Variants in CD2AP observed in about 807,000 individuals in gnomAD.
CD2AP encodes CD2-associated protein.
A neutral mutation model predicts 85.1 loss-of-function variants in CD2AP; 46 were observed. The ratio of observed to expected loss-of-function variants is 0.54; its 90% CI spans 0.43 to 0.69. CD2AP has a LOEUF of 0.69. Ranked by LOEUF, CD2AP falls within the 30% of genes least tolerant of loss-of-function variation. The pLI, the probability that CD2AP is intolerant of heterozygous loss-of-function variation, is 0.00. For synonymous variants in CD2AP, 255 were observed against 252.9 expected (o/e 1.01, Z -0.08); for missense variants, 769 against 729.5 (o/e 1.05, Z -0.62).
intron 2 of CD2AP, among the ~76,000 whole-genome samples, chr6:47,515,336 T>C (rs1766424798): frequency 6.6e-6 from 1 of 152,130 alleles, no homozygotes; most frequent in Non-Finnish European, 1.5e-5. Context: ...TTCCAGAAGA[T>C]AGAGTTGGGG....
In CD2AP at chr6:47,478,242, A is replaced by C; in HGVS notation, c.-3A>C. 6.4e-7 allele frequency: 1 copy of C among 1,572,654 alleles called. No homozygotes were observed. The highest frequency in any genetic ancestry group is 1.2e-5 in the South Asian group (1 of 85,736). ...TCGGCTTCTCCCCGCGGGAGCCCCC[A>C]GCATGGGTAAGAGACTCGGGCGCTT... On this transcript the variant is annotated 5_prime_UTR_variant, in exon 1 of 18. Coordinates refer to ENST00000359314, the MANE Select transcript of CD2AP (RefSeq NM_012120.3).
At chr6:47,510,889 A>G (rs1402772082) in intron 2 of CD2AP, among the ~76,000 whole-genome samples, 2 of 151,956 alleles carry the variant, frequency 1.3e-5, no homozygotes, top group African/African-American at 2.4e-5. Flanking sequence ...CCTGGCCAAC[A>G]TGGTGAAACC....
chr6:47,578,575 A>G (rs781256344), intron 8 of CD2AP, among the ~76,000 whole-genome samples: 1 of 152,142 alleles, frequency 6.6e-6, no homozygotes, highest in Non-Finnish European at 1.5e-5. Context: ...ATAAAGTGTT[A>G]AAAGTGTTAA....
At chr6:47,534,928 G>A (rs1422188293) in intron 3 of CD2AP, among the ~76,000 whole-genome samples, 3 of 151,338 alleles carry the variant, frequency 2.0e-5, no homozygotes, top group Non-Finnish European at 4.4e-5. Context: ...CTGAGTAGCT[G>A]TGACTACAGG....
At chr6:47,487,103 T>A (rs1187988719) in intron 1 of CD2AP, among the ~76,000 whole-genome samples, 1 of 152,210 alleles carries the variant, frequency 6.6e-6, no homozygotes, top group East Asian at 1.9e-4. Flanking sequence ...TGTTTTGGTG[T>A]ATGTGTGGGC....
intron 12 of CD2AP, among the ~76,000 whole-genome samples, chr6:47,598,584 GA>G (rs954635340): frequency 1.3e-5 from 2 of 150,886 alleles, no homozygotes; most frequent in African/African-American, 2.4e-5. Flanking sequence ...AAAAAAGATG[GA>G]AAAAATGGCA....
chr6:47,483,075 A>G (rs571540834), intron 1 of CD2AP, among the ~76,000 whole-genome samples: 1 of 152,306 alleles, frequency 6.6e-6, no homozygotes, highest in South Asian at 2.1e-4. Context: ...AAAACTAGTA[A>G]GATGTGATTG....
intron 2 of CD2AP, among the ~76,000 whole-genome samples, chr6:47,517,331 G>T (rs947909760): frequency 2.6e-5 from 4 of 151,886 alleles, no homozygotes; most frequent in African/African-American, 9.7e-5. Flanking sequence ...CACCCAGGCG[G>T]GAGTGCAGTG....
chr6:47,562,958 G>A (rs1389884952), intron 5 of CD2AP: 2 of 515,580 alleles, frequency 3.9e-6, no homozygotes, highest in Non-Finnish European at 7.1e-6. Context: ...TAGTAGTTAA[G>A]GACTATGGCA....
chr6:47,517,315 C>T (rs936354290), intron 2 of CD2AP, among the ~76,000 whole-genome samples: 5 of 150,540 alleles, frequency 3.3e-5, no homozygotes, highest in African/African-American at 1.2e-4. Context: ...CGGTTTCTTA[C>T]TCTGTCACCC....
At chr6:47,503,514 C>A in intron 2 of CD2AP, 74 bp downstream of exon 2, 1 of 1,276,744 alleles carries the variant, frequency 7.8e-7, no homozygotes, top group Non-Finnish European at 1.1e-6. Context: ...AATAGATATA[C>A]TTTTAAAATT....
intron 1 of CD2AP, 30 bp downstream of exon 1, chr6:47,478,278 G>A (rs1196989416): frequency 6.4e-7 from 1 of 1,566,832 alleles, no homozygotes. Context: ...CCCGCCGCCC[G>A]TCCGGACCTT....
At chr6:47,508,528 TTC>T (rs1205357383) in intron 2 of CD2AP, among the ~76,000 whole-genome samples, 2 of 143,162 alleles carry the variant, frequency 1.4e-5, no homozygotes, top group African/African-American at 5.1e-5. Flanking sequence ...CAAACTTTCT[TTC>T]TTTCTTTTTT....
In CD2AP at chr6:47,624,250, AAT is replaced by A. The variant is rs753087021; in HGVS notation, c.*24_*25del. On this transcript the variant is annotated 3_prime_UTR_variant, in exon 18 of 18. Transcript: ENST00000359314. ...TGAGTGGTGTGGACCTGGTGTTCAT[AAT>A]GTTCCAGGGATTCAGAAGCAACGCT... 9.4e-6 allele frequency: 15 copies of A among 1,595,752 alleles called. No homozygotes were observed. In the African/African-American group the frequency reaches 2.0e-4, roughly 21 times the overall value.
chr6:47,608,937 A>G (rs1351997907), intron 15 of CD2AP, among the ~76,000 whole-genome samples, 186 bp from the exon 16 acceptor site: 2 of 152,188 alleles, frequency 1.3e-5, no homozygotes, highest in Non-Finnish European at 2.9e-5. Context: ...AAAAACCACT[A>G]ATGATTACAA....
chr6:47,569,976 C>T (rs1768106456), intron 5 of CD2AP, among the ~76,000 whole-genome samples: 1 of 152,056 alleles, frequency 6.6e-6, no homozygotes, highest in Non-Finnish European at 1.5e-5. Flanking sequence ...TCTATGTGTA[C>T]TTTTTAGGAA....
Position 47,574,236 on chromosome 6 carries a change from G to C in CD2AP, c.714G>C (p.Glu238Asp), listed in dbSNP as rs1768239803. ...RTRTSSSETE[E>D]KKPEKPLILQ... is the part of the protein sequence containing the mutation. ...GAACATCCAGTAGTGAAACAGAAGAGAAAAAACCAGAAAAGGTGGTAATGA... is the reference window on the plus strand; with the variant it reads ...GAACATCCAGTAGTGAAACAGAAGACAAAAAACCAGAAAAGGTGGTAATGA... The change falls in exon 6 of 18, where the codon GAG becomes GAC. Residue 238 changes from glutamate to aspartate, a missense_variant. Physicochemically the swap from Glu to Asp is conservative, Grantham distance 45. Coordinates refer to ENST00000359314, the MANE Select transcript of CD2AP (RefSeq NM_012120.3). 6.2e-7 allele frequency: 1 copy of C among 1,613,714 alleles called. No homozygotes were observed. The highest frequency in any genetic ancestry group is 1.3e-5 in the African/African-American group (1 of 75,016).
chr6:47,566,118 T>C (rs1239620224), intron 5 of CD2AP, among the ~76,000 whole-genome samples: 1 of 152,006 alleles, frequency 6.6e-6, no homozygotes, highest in Non-Finnish European at 1.5e-5. Context: ...TGGCTACTTG[T>C]CTGATTCAGG....
chr6:47,578,545 A>G (rs1170768031), intron 8 of CD2AP, among the ~76,000 whole-genome samples: 1 of 152,170 alleles, frequency 6.6e-6, no homozygotes, highest in Non-Finnish European at 1.5e-5. Context: ...CAGCTGAATA[A>G]TGTGATTAAT....
Sources: allele counts gnomAD v4.1 joint callset (sites outside exome capture counted in the v4.1 genomes callset), GRCh38; gene constraint gnomAD v4.1.1; transcripts MANE v1.5; gene names NCBI Gene and HGNC (gene_info 2026-07-23, HGNC 2026-07-21).